The following UNC5C variants were observed in gnomAD, a reference collection of about 807,000 sequenced individuals.
UNC5C encodes unc-5 netrin receptor C, also known as netrin receptor UNC5C.
UNC5C carries 47 observed loss-of-function variants against 99.8 expected under a neutral mutation model. The observed-to-expected ratio is 0.47, with a 90% CI of 0.37 to 0.60. The LOEUF (loss-of-function observed/expected upper bound fraction) is 0.60. UNC5C is among the 20% of genes least tolerant of loss of function. The pLI is 0.00. For synonymous variants in UNC5C, 487 were observed against 452.2 expected, an observed-to-expected ratio of 1.08 and a Z score of -0.98; for missense variants, 1,062 against 1,165.9, an observed-to-expected ratio of 0.91 and a Z score of 1.30.
chr4:95,363,734 GC>G (rs1180902695), intron 1 of UNC5C, among the ~76,000 whole-genome samples: 5 of 152,064 alleles, frequency 3.3e-5, no homozygotes, highest in African/African-American at 1.2e-4. Context: ...TGCAGATGCC[GC>G]TTTTCACTGG....
intron 2 of UNC5C, among the ~76,000 whole-genome samples, chr4:95,317,900 T>C (rs969237808): frequency 1.3e-5 from 2 of 152,152 alleles, no homozygotes; most frequent in Non-Finnish European, 2.9e-5. Flanking sequence ...GTGATTTTTT[T>C]TCTTGACAAA....
chr4:95,414,123 C>A (rs910660415), intron 1 of UNC5C, among the ~76,000 whole-genome samples: 1 of 152,192 alleles, frequency 6.6e-6, no homozygotes, highest in African/African-American at 2.4e-5. Context: ...GTAAGTAAAT[C>A]TGAAATTAAG....
intron 12 of UNC5C, among the ~76,000 whole-genome samples, chr4:95,191,962 C>A (rs1242934662): frequency 2.9e-5 from 4 of 136,444 alleles, no homozygotes; most frequent in Admixed American, 2.2e-4. Context: ...TCACCTTCCT[C>A]CCCTGCTCAC....
At chr4:95,465,571 T>G (rs1747746853) in intron 1 of UNC5C, among the ~76,000 whole-genome samples, 1 of 152,266 alleles carries the variant, frequency 6.6e-6, no homozygotes, top group Non-Finnish European at 1.5e-5. Context: ...GTGCCATCCT[T>G]TCTGAACAGA....
chr4:95,407,232 C>G (rs1458689322), intron 1 of UNC5C, among the ~76,000 whole-genome samples: 1 of 152,024 alleles, frequency 6.6e-6, no homozygotes, highest in Admixed American at 6.6e-5. Context: ...TATCGATTGA[C>G]TATATGAAGA....
intron 1 of UNC5C, among the ~76,000 whole-genome samples, chr4:95,543,595 A>T (rs1049525193): frequency 6.6e-6 from 1 of 152,142 alleles, no homozygotes; most frequent in Non-Finnish European, 1.5e-5. Flanking sequence ...ACTTGTGTCC[A>T]TTTTCTTTTA....
intron 1 of UNC5C, among the ~76,000 whole-genome samples, chr4:95,427,319 T>C (rs892886094): frequency 1.3e-5 from 2 of 152,192 alleles, no homozygotes; most frequent in African/African-American, 4.8e-5. Context: ...GATATAAACT[T>C]AGTTGCTAAA....
intron 4 of UNC5C, among the ~76,000 whole-genome samples, chr4:95,271,332 A>C (rs371334054): frequency 6.6e-6 from 1 of 151,442 alleles, no homozygotes; most frequent in South Asian, 2.1e-4. Flanking sequence ...GGTTCACGCC[A>C]TTCTCCTGCC....
intron 3 of UNC5C, among the ~76,000 whole-genome samples, chr4:95,279,324 G>T (rs1205670882): frequency 6.6e-6 from 1 of 152,142 alleles, no homozygotes; most frequent in Non-Finnish European, 1.5e-5. Flanking sequence ...ATCTAATTAT[G>T]TATTTATATA....
In UNC5C at chr4:95,168,170, A is replaced by G. The variant is rs1393233771; in HGVS notation, c.*1064T>C. On this transcript the variant is annotated 3_prime_UTR_variant, in exon 16 of 16. Coordinates refer to ENST00000453304, the MANE Select transcript of UNC5C (RefSeq NM_003728.4). ...TCTCCTTAAGACTCCTCAGAGGAGA[A>G]AGAAAGACCCTGCCTGAGCAAGCTG... 6.6e-6 allele frequency: 1 copy of G among 152,228 alleles called. No individual in the cohort carries two copies. Among genetic ancestry groups the G allele is most frequent in the East Asian group, 1.9e-4 (1 of 5,188 alleles). 9.4% of individuals were successfully genotyped at this position (152,228 alleles called of 1,614,324 possible).
chr4:95,517,171 T>C lies in UNC5C; in HGVS notation c.124+31563A>G, dbSNP rs747720608. Among the ~76,000 whole-genome samples, 31 of 152,320 alleles carry C rather than the reference T, an allele frequency of 2.0e-4. 1 individual carries two copies. Among genetic ancestry groups the C allele is most frequent in the East Asian group, 1.9e-4 (1 of 5,190 alleles). ...AAACAACGATTAATGATAATAATGA[T>C]AAAAATATTAAACTGTTATTTAAAT... On this transcript the variant is annotated intron_variant, in intron 1 of 15. Transcript: ENST00000453304.
chr4:95,446,843 T>C (rs1392847917), intron 1 of UNC5C, among the ~76,000 whole-genome samples: 1 of 151,712 alleles, frequency 6.6e-6, no homozygotes, highest in Non-Finnish European at 1.5e-5. Context: ...GAGCATTAAA[T>C]ACGTCTGTTG....
At chr4:95,471,339 C>T (rs17024007) in intron 1 of UNC5C, among the ~76,000 whole-genome samples, 21,043 of 151,932 alleles carry the variant, frequency 0.14, 2,005 homozygotes, top group African/African-American at 0.27. Flanking sequence ...TTTACAAGAC[C>T]TTTGAATGTA....
At position 95,168,752 on chromosome 4, in the gene UNC5C, AT is replaced by A. The variant is rs1418235509; in HGVS notation, c.*481del. On this transcript the variant is annotated 3_prime_UTR_variant, in exon 16 of 16. Coordinates refer to ENST00000453304, the MANE Select transcript of UNC5C (RefSeq NM_003728.4). ...GCAAAAGTCTGTGATTTCTCTGTAAATTACTAATCTGAAATAGACACAACAA... is the reference window on the plus strand; with the variant it reads ...GCAAAAGTCTGTGATTTCTCTGTAAATACTAATCTGAAATAGACACAACAA... 1 of 153,336 alleles carries A rather than the reference AT, an allele frequency of 6.5e-6. No homozygotes were observed. The highest frequency in any genetic ancestry group is 2.4e-5 in the African/African-American group (1 of 41,460). The allele number at this position is 153,336 out of a possible 1,614,324, so 9.5% of individuals were successfully genotyped here.
At chr4:95,465,952 C>T (rs1747762298) in intron 1 of UNC5C, among the ~76,000 whole-genome samples, 1 of 152,034 alleles carries the variant, frequency 6.6e-6, no homozygotes, top group Non-Finnish European at 1.5e-5. Flanking sequence ...ATTATCTTAC[C>T]CTATGCTTTC....
At chr4:95,223,857 C>G (rs1738568502) in intron 7 of UNC5C, among the ~76,000 whole-genome samples, 1 of 152,058 alleles carries the variant, frequency 6.6e-6, no homozygotes, top group African/African-American at 2.4e-5. Context: ...ATCACAATGC[C>G]ATCTTCCTGG....
At chr4:95,383,561 G>A (rs369495536) in intron 1 of UNC5C, among the ~76,000 whole-genome samples, 12 of 152,242 alleles carry the variant, frequency 7.9e-5, no homozygotes, top group African/African-American at 2.6e-4. Context: ...ACAACTTAAT[G>A]ATGAATCTGC....
At chr4:95,356,221 A>AC (rs1744193208) in intron 1 of UNC5C, among the ~76,000 whole-genome samples, 3 of 134,740 alleles carry the variant, frequency 2.2e-5, no homozygotes, top group Admixed American at 7.2e-5. Flanking sequence ...AACAAAACAA[A>AC]AAAAAAACAG....
chr4:95,527,319 T>G (rs564197944), intron 1 of UNC5C, among the ~76,000 whole-genome samples: 1 of 152,250 alleles, frequency 6.6e-6, no homozygotes, highest in African/African-American at 2.4e-5. Flanking sequence ...GTTTTATACT[T>G]CATGCTTAAT....
Sources: gnomAD v4.1 joint callset for allele counts (sites outside exome capture counted in the v4.1 genomes callset) on GRCh38, gnomAD v4.1.1 for gene constraint, MANE v1.5 for transcripts, NCBI Gene and HGNC (gene_info 2026-07-23, HGNC 2026-07-21) for gene names.